The following ITPR2 variants were observed in gnomAD, a reference collection of about 807,000 sequenced individuals.
ITPR2 encodes inositol 1,4,5-trisphosphate-gated calcium channel ITPR2.
A neutral mutation model predicts 317.1 loss-of-function variants in ITPR2; 207 were observed. That is an observed-to-expected ratio of 0.65 (90% confidence interval 0.58 to 0.73). The LOEUF is 0.73. ITPR2 is among the 30% of genes least tolerant of loss of function. ITPR2 has a pLI of 0.00. For synonymous variants in ITPR2, 1,156 were observed against 1,149.1 expected, an observed-to-expected ratio of 1.01 and a Z score of -0.12; for missense variants, 2,613 against 3,284.0, an observed-to-expected ratio of 0.80 and a Z score of 4.99.
chr12:26,555,449 T>G (rs1444449113), intron 36 of ITPR2, among the ~76,000 whole-genome samples: 1 of 152,164 alleles, frequency 6.6e-6, no homozygotes, highest in Admixed American at 6.5e-5. Context: ...AGGGTCTACA[T>G]GTGACGACCT....
intron 37 of ITPR2, among the ~76,000 whole-genome samples, chr12:26,498,018 G>A (rs2136882384): frequency 6.6e-6 from 1 of 152,338 alleles, no homozygotes; most frequent in South Asian, 2.1e-4. Context: ...TTACAGGCAT[G>A]AGCCACCGTG....
intron 34 of ITPR2, 110 bp downstream of exon 34, chr12:26,578,603 T>A (rs539441741): frequency 1.1e-6 from 1 of 945,832 alleles, no homozygotes; most frequent in East Asian, 2.5e-5. Context: ...ACAGAAAACA[T>A]ACTGGTTTTC....
intron 37 of ITPR2, among the ~76,000 whole-genome samples, chr12:26,510,387 A>T (rs998980907): frequency 6.6e-6 from 1 of 151,752 alleles, no homozygotes; most frequent in Non-Finnish European, 1.5e-5. Flanking sequence ...ATAATAAAGG[A>T]TGAGAAGAAG....
At chr12:26,686,717 C>A in intron 10 of ITPR2, 85 bp from the exon 11 acceptor site, 1 of 1,155,886 alleles carries the variant, frequency 8.7e-7, no homozygotes, top group Non-Finnish European at 1.2e-6. Context: ...TTTAAATGTG[C>A]ATGTTATTTC....
intron 37 of ITPR2, among the ~76,000 whole-genome samples, chr12:26,531,275 T>C (rs1416957444): frequency 6.6e-6 from 1 of 152,178 alleles, no homozygotes; most frequent in Non-Finnish European, 1.5e-5. Context: ...GTAAGACATT[T>C]CAATAAATGT....
chr12:26,655,316 C>A (rs1947345410), intron 20 of ITPR2, among the ~76,000 whole-genome samples: 1 of 152,032 alleles, frequency 6.6e-6, no homozygotes, highest in African/African-American at 2.4e-5. Flanking sequence ...AATCTATCTT[C>A]TAAAAATGGC....
At chr12:26,795,890 G>A (rs1456528841) in intron 1 of ITPR2, among the ~76,000 whole-genome samples, 4 of 151,770 alleles carry the variant, frequency 2.6e-5, no homozygotes, top group Middle Eastern at 3.2e-3. Context: ...AGACTGAGGC[G>A]GGAGAATCGC....
intron 49 of ITPR2, among the ~76,000 whole-genome samples, chr12:26,426,246 T>A (rs1941058604): frequency 6.6e-6 from 1 of 152,192 alleles, no homozygotes; most frequent in African/African-American, 2.4e-5. Context: ...TTATAAATAT[T>A]ATTTGCTTCT....
Position 26,824,931 on chromosome 12 carries a change from T to C in ITPR2, c.92+7759A>G, listed in dbSNP as rs113608741. Among the ~76,000 whole-genome samples, 1,289 of 152,304 alleles carry C rather than the reference T, an allele frequency of 8.5e-3. 21 individuals are homozygous for C. Among genetic ancestry groups the C allele is most frequent in the African/African-American group, 0.03 (1,228 of 41,554 alleles). On this transcript the variant is annotated intron_variant, in intron 1 of 56. Transcript: ENST00000381340. ...AATACATTCAAAAGGCACAGTTTTATTCATTAAATAAGTGAATGGGCTGGG... is the reference window on the plus strand; with the variant it reads ...AATACATTCAAAAGGCACAGTTTTACTCATTAAATAAGTGAATGGGCTGGG...
chr12:26,672,282 T>C (rs1263913642), intron 13 of ITPR2, among the ~76,000 whole-genome samples: 1 of 151,524 alleles, frequency 6.6e-6, no homozygotes, highest in Non-Finnish European at 1.5e-5. Context: ...TATTCCAAAA[T>C]TGACCACATA....
chr12:26,666,976 T>C (rs934138422), intron 13 of ITPR2, among the ~76,000 whole-genome samples: 1 of 152,212 alleles, frequency 6.6e-6, no homozygotes, highest in Admixed American at 6.5e-5. Flanking sequence ...ATTTTTTAAA[T>C]TGTATTAATG....
chr12:26,378,231 T>C (rs1310362467), intron 55 of ITPR2, among the ~76,000 whole-genome samples: 1 of 151,698 alleles, frequency 6.6e-6, no homozygotes, highest in Non-Finnish European at 1.5e-5. Flanking sequence ...TAAAGGGTGG[T>C]GGGCTAGGAA....
intron 55 of ITPR2, among the ~76,000 whole-genome samples, chr12:26,358,385 CAAAAAAAAAAAAAAAAAAAAA>C (rs58076044): frequency 0.026 from 4 of 154 alleles, 2 homozygotes; most frequent in African/African-American, 0.026. Context: ...GACTCCGTCT[CAAAAAAAAAAAAAAAAAAAAA>C]AAAAAAAAAA....
intron 37 of ITPR2, among the ~76,000 whole-genome samples, chr12:26,513,141 G>A (rs1415102660): frequency 1.3e-5 from 2 of 152,014 alleles, no homozygotes; most frequent in East Asian, 1.9e-4. Flanking sequence ...GCGCCCGGCC[G>A]GGAAACAATT....
intron 29 of ITPR2, 150 bp from the exon 30 acceptor site, chr12:26,599,495 G>C (rs1945939493): frequency 4.4e-6 from 3 of 687,770 alleles, no homozygotes; most frequent in South Asian, 3.9e-5. Flanking sequence ...AAAATGCGAT[G>C]AGATCATTAA....
At chr12:26,443,316 CA>C (rs894044748) in intron 46 of ITPR2, among the ~76,000 whole-genome samples, 20 of 150,764 alleles carry the variant, frequency 1.3e-4, no homozygotes, top group East Asian at 2.1e-4. Context: ...CTATTAATTA[CA>C]AAAAAAAATT....
Position 26,428,035 on chromosome 12 carries a change from T to TG in ITPR2, c.6822dup (p.Thr2275HisfsTer41). 4 of 1,612,462 alleles carry TG rather than the reference T, an allele frequency of 2.5e-6. No homozygotes were observed. Among genetic ancestry groups the TG allele is most frequent in the Non-Finnish European group, 3.4e-6 (4 of 1,179,238 alleles). ...TTGGAGAAGAAAAACAGCATAGATG[T>TG]GCAGATCGCAACTGCTATCCAAAGA... is the stretch of plus-strand genomic sequence containing the variant. On this transcript the variant is annotated frameshift_variant, in exon 49 of 57. Coordinates refer to ENST00000381340, the MANE Select transcript of ITPR2 (RefSeq NM_002223.4). LOFTEE classifies it high-confidence loss of function.
chr12:26,665,991 T>A lies in ITPR2; in HGVS notation c.1470A>T (p.Gly490=), dbSNP rs766573904. Residue 490 remains glycine, a synonymous_variant, in exon 14 of 57, where the codon GGA becomes GGT. Transcript: ENST00000381340. ...TGATAACCACATCCAGAACTTCTTG[T>A]CCATTATTAGGCACATCAGCAACAA... ...IFFVADVPNN[G]QEVLDVVITK... is the part of the protein sequence containing the mutation. The A allele has an allele frequency of 1.2e-6, 2 of 1,613,526 alleles. No homozygotes were observed. The highest frequency in any genetic ancestry group is 1.1e-5 in the South Asian group (1 of 91,058).
intron 46 of ITPR2, among the ~76,000 whole-genome samples, chr12:26,442,839 G>C (rs1178339665): frequency 6.6e-6 from 1 of 152,118 alleles, no homozygotes; most frequent in Non-Finnish European, 1.5e-5. Context: ...CTGCCAAAAT[G>C]AATGAATGTA....
Sources: allele counts gnomAD v4.1 joint callset (sites outside exome capture counted in the v4.1 genomes callset), GRCh38; gene constraint gnomAD v4.1.1; transcripts MANE v1.5; gene names NCBI Gene and HGNC (gene_info 2026-07-23, HGNC 2026-07-21).